The following CYP24A1 variants were observed in gnomAD, a reference collection of about 807,000 sequenced individuals.
CYP24A1 encodes 1,25-dihydroxyvitamin D(3) 24-hydroxylase, mitochondrial.
CYP24A1 carries 68 observed loss-of-function variants against 62.4 expected under a neutral mutation model. The ratio of observed to expected loss-of-function variants is 1.09; its 90% CI spans 0.90 to 1.33. CYP24A1 has a LOEUF of 1.33. CYP24A1 is among the 40% of genes most tolerant of loss of function. CYP24A1 has a pLI of 0.00. For synonymous variants in CYP24A1, 267 were observed against 253.0 expected, an observed-to-expected ratio of 1.06 and a Z score of -0.52; for missense variants, 787 against 653.0, an observed-to-expected ratio of 1.21 and a Z score of -2.24.
intron 3 of CYP24A1, among the ~76,000 whole-genome samples, chr20:54,170,253 G>C (rs897004810): frequency 6.6e-6 from 1 of 152,220 alleles, no homozygotes; most frequent in Non-Finnish European, 1.5e-5. Flanking sequence ...TCATAAACCA[G>C]AGTTTTCAAT....
At chr20:54,166,705 AAAAATTAT>A (rs1225515443) in intron 4 of CYP24A1, among the ~76,000 whole-genome samples, 3 of 152,016 alleles carry the variant, frequency 2.0e-5, no homozygotes, top group Admixed American at 2.0e-4. Context: ...CCATTGTCCT[AAAAATTAT>A]CTCTTGTAAC....
intron 2 of CYP24A1, 152 bp downstream of exon 2, chr20:54,172,757 G>T (rs2092698167): frequency 6.6e-7 from 1 of 1,508,356 alleles, no homozygotes; most frequent in Non-Finnish European, 8.8e-7. Context: ...AGAGCTCAGG[G>T]TTGCGATGGC....
the CYP24A1 span, among the ~76,000 whole-genome samples, chr20:54,147,332 A>C: frequency 1.3e-5 from 2 of 152,244 alleles, no homozygotes; most frequent in Non-Finnish European, 2.9e-5. Flanking sequence ...ATGCAATGAG[A>C]TGCCCTAAAA....
rs1188797613 is a variant in CYP24A1 at position 54,173,382 on chromosome 20, C to T, written c.198G>A (p.Leu66=). Residue 66 remains leucine (L), a synonymous_variant, in exon 1 of 12, where the codon CTG becomes CTA. Transcript: ENST00000216862. The surrounding 1 kb of genome is among the most constrained non-coding windows in gnomAD (Gnocchi z 7.2). ...AALPGPTSWP[L]LGSLLQILWK... ...AGAGAATCTGCAGCAGGCTGCCCAG[C>T]AGTGGCCAGCTGGTGGGGCCCGGCA... The T allele has an allele frequency of 6.3e-7, 1 of 1,595,826 alleles. No individual in the cohort carries two copies. The highest frequency in any genetic ancestry group is 1.3e-5 in the African/African-American group (1 of 74,734).
chr20:54,164,371 T>C (rs2092663193), intron 6 of CYP24A1, 81 bp downstream of exon 6: 1 of 1,611,794 alleles, frequency 6.2e-7, no homozygotes, highest in Non-Finnish European at 8.5e-7. Flanking sequence ...GCTCAGGAGA[T>C]CACTCCAGAC....
chr20:54,171,750 A>G (rs2092694889), intron 2 of CYP24A1, 80 bp from the exon 3 acceptor site: 2 of 1,612,050 alleles, frequency 1.2e-6, no homozygotes, highest in Admixed American at 1.7e-5. Context: ...CTGCAACTTC[A>G]GGAACCATAA....
At chr20:54,155,294 C>T (rs1424728361) in intron 11 of CYP24A1, among the ~76,000 whole-genome samples, 1 of 152,112 alleles carries the variant, frequency 6.6e-6, no homozygotes, top group Admixed American at 6.5e-5. Context: ...AAATAATCTA[C>T]CAATAAGCAA....
chr20:54,167,268 A>G (rs2092675414), intron 4 of CYP24A1, among the ~76,000 whole-genome samples: 1 of 152,158 alleles, frequency 6.6e-6, no homozygotes, highest in African/African-American at 2.4e-5. Flanking sequence ...GTTTCCCCGT[A>G]TTTGTGTTCC....
intron 2 of CYP24A1, among the ~76,000 whole-genome samples, chr20:54,172,608 G>A (rs2092697670): frequency 6.6e-6 from 1 of 152,190 alleles, no homozygotes. Flanking sequence ...TCCTGCCCAA[G>A]AGTCTGAACA....
chr20:54,154,683 T>A lies in CYP24A1; in HGVS notation c.*89A>T, dbSNP rs2092620505. The A allele has an allele frequency of 6.5e-6, 1 of 154,970 alleles. No individual in the cohort carries two copies. Among genetic ancestry groups the A allele is most frequent in the Admixed American group, 6.5e-5 (1 of 15,318 alleles). The allele number at this position is 154,970 out of a possible 1,614,324, so 9.6% of individuals were successfully genotyped here. A position where few individuals can be genotyped will look rare whatever the true frequency, so the allele number is the denominator to read the frequency against. On this transcript the variant is annotated 3_prime_UTR_variant, in exon 12 of 12. Transcript: ENST00000216862. ...ACACAGGTGAAGTGTAAACCAGCAG[T>A]GAACCCTGTAGAATGCCTTGGATCC...
In CYP24A1 at chr20:54,159,077, G is replaced by T; in HGVS notation, c.1037C>A (p.Pro346His). 1 of 1,613,950 alleles carries T rather than the reference G, an allele frequency of 6.2e-7. No homozygotes were observed. The highest frequency in any genetic ancestry group is 8.5e-7 in the Non-Finnish European group (1 of 1,179,908). The part of the protein sequence containing the change: ...MWILYNLSRN[P>H]QVQQKLLKEI... ...CTTAAGAAGCTTTTGTTGCACTTGGGGATTACGGGATAAATTGTAGAGAAT... is the reference window on the plus strand; with the variant it reads ...CTTAAGAAGCTTTTGTTGCACTTGGTGATTACGGGATAAATTGTAGAGAAT... The change falls in exon 8 of 12, where the codon CCC (proline) becomes CAC (histidine). Residue 346 changes from proline to histidine, a missense_variant. Pro to His is a moderately conservative substitution (Grantham distance 77, BLOSUM62 -2). Coordinates refer to ENST00000216862, the MANE Select transcript of CYP24A1 (RefSeq NM_000782.5).
At position 54,155,383 on chromosome 20, in the gene CYP24A1, A is replaced by T. The variant is rs2092623880; in HGVS notation, c.*11-622T>A. On this transcript the variant is annotated intron_variant, in intron 11 of 11. Coordinates refer to ENST00000216862, the MANE Select transcript of CYP24A1 (RefSeq NM_000782.5). ...AAGGTGCTGCTAAAAGAACACAATGATAGAATCCGGGTTTAAACACCGACA... is the reference window on the plus strand; with the variant it reads ...AAGGTGCTGCTAAAAGAACACAATGTTAGAATCCGGGTTTAAACACCGACA... Among the ~76,000 whole-genome samples, 3 of 152,144 alleles carry T rather than the reference A, an allele frequency of 2.0e-5. No individual in the cohort carries two copies. In the South Asian group the frequency reaches 6.2e-4, roughly 32 times the overall value.
At chr20:54,170,678 G>A (rs935464017) in intron 3 of CYP24A1, among the ~76,000 whole-genome samples, 4 of 152,114 alleles carry the variant, frequency 2.6e-5, no homozygotes, top group African/African-American at 9.7e-5. Flanking sequence ...CATGGCATTC[G>A]TTTGCTGGAA....
chr20:54,172,862 G>A (rs1195705530), intron 2 of CYP24A1, 47 bp downstream of exon 2: 16 of 1,611,900 alleles, frequency 9.9e-6, no homozygotes, highest in Non-Finnish European at 1.4e-5. Context: ...GCGCCGTCAG[G>A]CTCATCAGGT....
Position 54,169,957 on chromosome 20 carries a change from T to A in CYP24A1, c.544-269A>T, listed in dbSNP as rs149998531. Among the ~76,000 whole-genome samples the A allele has an allele frequency of 4.1e-3, 611 of 147,452 alleles. 5 individuals are homozygous for A. Among genetic ancestry groups the A allele is most frequent in the Middle Eastern group, 0.014 (4 of 288 alleles). ...TTGATCTAAAAATAATTCTGGCAAT[T>A]TAAGAAAAGGAAAACATTTTTTTTT... On this transcript the variant is annotated intron_variant, in intron 3 of 11. Transcript: ENST00000216862.
the CYP24A1 span, among the ~76,000 whole-genome samples, chr20:54,144,464 A>G: frequency 6.6e-6 from 1 of 151,630 alleles, no homozygotes. Context: ...CATGTTGCCC[A>G]GGGTGGTCTG....
chr20:54,171,858 T>G, intron 2 of CYP24A1, 188 bp from the exon 3 acceptor site: 1 of 1,380,080 alleles, frequency 7.2e-7, no homozygotes, highest in Non-Finnish European at 9.6e-7. Flanking sequence ...GACAATAGTT[T>G]GACAATAGGA....
At chr20:54,170,359 G>A (rs1055605577) in intron 3 of CYP24A1, among the ~76,000 whole-genome samples, 1 of 152,090 alleles carries the variant, frequency 6.6e-6, no homozygotes, top group African/African-American at 2.4e-5. Context: ...AGTAGGTACC[G>A]TCTCTACTCA....
chr20:54,165,693 T>A (rs530140665), intron 5 of CYP24A1, 49 bp downstream of exon 5: 1 of 933,826 alleles, frequency 1.1e-6, no homozygotes, highest in Admixed American at 1.7e-5. Context: ...TAAAAATCGA[T>A]CTGTAAAACA....
Sources: gnomAD v4.1 joint callset for allele counts (sites outside exome capture counted in the v4.1 genomes callset) on GRCh38, gnomAD v4.1.1 for gene constraint, Gnocchi (gnomAD v3.1) non-coding constraint, MANE v1.5 for transcripts, NCBI Gene and HGNC (gene_info 2026-07-23, HGNC 2026-07-21) for gene names.